The following PLPP1 variants were observed in gnomAD, a reference collection of about 807,000 sequenced individuals.
PLPP1 encodes phospholipid phosphatase 1.
Under a neutral mutation model 31.2 loss-of-function variants are expected in PLPP1, and 24 were observed. The ratio of observed to expected loss-of-function variants is 0.77; its 90% confidence interval spans 0.56 to 1.08. The LOEUF is 1.08. Ranked by LOEUF, PLPP1 falls within the 50% of genes least tolerant of loss-of-function variation. The probability of loss-of-function intolerance (pLI) is 0.00; values close to 1 mark genes in which losing one functional copy is unlikely to be tolerated. For missense variants in PLPP1, 319 were observed against 342.7 expected (o/e 0.93, Z 0.55); for synonymous variants, 146 against 126.3 (o/e 1.16, Z -1.05).
chr5:55,474,432 A>G (rs994995337), intron 2 of PLPP1, among the ~76,000 whole-genome samples: 2 of 152,224 alleles, frequency 1.3e-5, no homozygotes, highest in African/African-American at 4.8e-5. Flanking sequence ...GAATTTTAGT[A>G]GAGATTATAA....
intron 1 of PLPP1, among the ~76,000 whole-genome samples, chr5:55,516,921 G>C (rs572443151): frequency 2.0e-5 from 3 of 152,226 alleles, no homozygotes; most frequent in Admixed American, 2.0e-4. Context: ...TAAACATAAT[G>C]GTAGCCCATT....
chr5:55,465,461 G>A (rs760037029), intron 3 of PLPP1, among the ~76,000 whole-genome samples: 1 of 152,070 alleles, frequency 6.6e-6, no homozygotes, highest in Admixed American at 6.6e-5. Flanking sequence ...CTATTAAATC[G>A]GGGCGTCCAA....
intron 1 of PLPP1, among the ~76,000 whole-genome samples, chr5:55,506,695 C>A (rs1437505863): frequency 1.3e-5 from 2 of 152,086 alleles, no homozygotes; most frequent in Non-Finnish European, 2.9e-5. Context: ...CCATTCCCCC[C>A]AAAATTCCGG....
At chr5:55,490,144 CTTTTTTTTTTTTTTT>C (rs896241457) in intron 1 of PLPP1, among the ~76,000 whole-genome samples, 1 of 83,396 alleles carries the variant, frequency 1.2e-5, no homozygotes, top group Non-Finnish European at 2.4e-5. Context: ...CTTTTCTTTT[CTTTTTTTTTTTTTTT>C]TTTTTTTTGA....
chr5:55,457,050 C>T (rs1169297069), intron 3 of PLPP1, among the ~76,000 whole-genome samples: 2 of 151,860 alleles, frequency 1.3e-5, no homozygotes, highest in Non-Finnish European at 2.9e-5. Context: ...ATCCTAGCTA[C>T]TCTGCAGGCT....
At chr5:55,435,215 T>TA (rs1357917392) in intron 4 of PLPP1, among the ~76,000 whole-genome samples, 2 of 152,128 alleles carry the variant, frequency 1.3e-5, no homozygotes, top group Non-Finnish European at 2.9e-5. Context: ...TGGCCATTAT[T>TA]AAAAAGACCA....
Position 55,513,801 on chromosome 5 carries a change from C to T in PLPP1, c.58+20771G>A, listed in dbSNP as rs564058414. Among the ~76,000 whole-genome samples the T allele has an allele frequency of 9.9e-5, 15 of 152,266 alleles. No individual in the cohort carries two copies. In the South Asian group the frequency reaches 3.1e-3, roughly 32 times the overall value. ...ATTAGCCAAGCATGGCAGTGCACATCTGTGGTTCCAGCTACTCAGGAGGCT... is the reference window on the plus strand; with the variant it reads ...ATTAGCCAAGCATGGCAGTGCACATTTGTGGTTCCAGCTACTCAGGAGGCT... On this transcript the variant is annotated intron_variant, in intron 1 of 5. Coordinates refer to ENST00000307259, the MANE Select transcript of PLPP1 (RefSeq NM_003711.4).
Position 55,436,609 on chromosome 5 carries a change from G to A in PLPP1, c.549+5242C>T, listed in dbSNP as rs568258815. Among the ~76,000 whole-genome samples the A allele has an allele frequency of 1.3e-4, 20 of 152,284 alleles. No homozygotes were observed. In the South Asian group the frequency reaches 1.9e-3, roughly 14 times the overall value. On this transcript the variant is annotated intron_variant, in intron 4 of 5. Transcript: ENST00000307259. ...CCAACACTCCAAAACGTGTGGCTCCGCTTGTGAAGAGCCTCATGATAGTTT... is the reference window on the plus strand; with the variant it reads ...CCAACACTCCAAAACGTGTGGCTCCACTTGTGAAGAGCCTCATGATAGTTT...
At chr5:55,512,515 A>G (rs1399835065) in intron 1 of PLPP1, among the ~76,000 whole-genome samples, 1,627 of 7,528 alleles carry the variant, frequency 0.22, 57 homozygotes, top group African/African-American at 0.29. Context: ...AGAAAAGAAA[A>G]GAAAGAAAGA....
intron 1 of PLPP1, among the ~76,000 whole-genome samples, chr5:55,511,725 G>GCGATCTCTGCTCACTGCAAGCT (rs1753417174): frequency 7.3e-6 from 1 of 136,598 alleles, no homozygotes; most frequent in Non-Finnish European, 1.5e-5. Context: ...GTGCAGTGGC[G>GCGATCTCTGCTCACTGCAAGCT]CGATCTCTGC....
chr5:55,518,834 A>T (rs576343501), intron 1 of PLPP1, among the ~76,000 whole-genome samples: 6 of 152,216 alleles, frequency 3.9e-5, no homozygotes, highest in Non-Finnish European at 8.8e-5. Flanking sequence ...AGAGATAAAC[A>T]AGGAATACAT....
In PLPP1 at chr5:55,457,839, A is replaced by G. The variant is rs367709483; in HGVS notation, c.491+10030T>C. Among the ~76,000 whole-genome samples the G allele has an allele frequency of 2.2e-4, 33 of 151,864 alleles. No individual in the cohort carries two copies. The East Asian group carries it at 6.0e-3, about 28-fold the overall frequency. ...GGGAGGCAGAGGTTGCAGTGAGCCA[A>G]GATCACGCCACTGCACTCCAGCCTG... On this transcript the variant is annotated intron_variant, in intron 3 of 5. Coordinates refer to ENST00000307259, the MANE Select transcript of PLPP1 (RefSeq NM_003711.4).
intron 1 of PLPP1, among the ~76,000 whole-genome samples, chr5:55,501,902 T>C (rs114039824): frequency 0.022 from 3,294 of 152,312 alleles, 51 homozygotes; most frequent in Non-Finnish European, 0.035. Context: ...AAGAGTTCAG[T>C]AGAAGGGGAT....
chr5:55,495,981 C>T (rs181290745), intron 1 of PLPP1, among the ~76,000 whole-genome samples: 10 of 152,244 alleles, frequency 6.6e-5, no homozygotes, highest in African/African-American at 1.9e-4. Flanking sequence ...CTTCAGCCTC[C>T]TGATTAGCTG....
chr5:55,534,226 C>G (rs1740791236), intron 1 of PLPP1, among the ~76,000 whole-genome samples: 1 of 152,304 alleles, frequency 6.6e-6, no homozygotes. Context: ...CTGAGATGGG[C>G]CAGTGACCAG....
At chr5:55,438,913 A>T (rs2111698907) in intron 4 of PLPP1, among the ~76,000 whole-genome samples, 1 of 152,178 alleles carries the variant, frequency 6.6e-6, no homozygotes, top group South Asian at 2.1e-4. Context: ...AAAAAAAAAA[A>T]AAGTTGTACA....
At chr5:55,451,877 C>T (rs1751902491) in intron 3 of PLPP1, among the ~76,000 whole-genome samples, 1 of 152,118 alleles carries the variant, frequency 6.6e-6, no homozygotes, top group Admixed American at 6.6e-5. Flanking sequence ...GCAGAAAAGT[C>T]ACATTTCCTT....
chr5:55,454,983 A>G (rs1046090104), intron 3 of PLPP1, among the ~76,000 whole-genome samples: 6 of 152,232 alleles, frequency 3.9e-5, no homozygotes, highest in African/African-American at 1.4e-4. Context: ...CCTATGATAG[A>G]AGGCATTTCC....
At chr5:55,434,974 G>C (rs912181735) in intron 4 of PLPP1, among the ~76,000 whole-genome samples, 1 of 152,102 alleles carries the variant, frequency 6.6e-6, no homozygotes, top group African/African-American at 2.4e-5. Context: ...CTGTTGAATG[G>C]GAGAAAATAT....
Sources: allele counts gnomAD v4.1 joint callset (sites outside exome capture counted in the v4.1 genomes callset), GRCh38; gene constraint gnomAD v4.1.1; transcripts MANE v1.5; gene names NCBI Gene and HGNC (gene_info 2026-07-23, HGNC 2026-07-21).